GAPVD1: variants seen among roughly 807,000 people sequenced by gnomAD.
The protein encoded by GAPVD1 is GTPase-activating protein and VPS9 domain-containing protein 1.
A neutral mutation model predicts 155.5 loss-of-function variants in GAPVD1; 35 were observed. The observed-to-expected ratio is 0.23, with a 90% CI of 0.17 to 0.30. The LOEUF is 0.30. GAPVD1 is among the 10% of genes least tolerant of loss of function. The pLI is 1.00. For synonymous variants in GAPVD1, 636 were observed against 619.7 expected (o/e 1.03, Z -0.39); for missense variants, 1,429 against 1,775.7 (o/e 0.80, Z 3.51).
chr9:125,311,127 C>T (rs890455579), intron 8 of GAPVD1, among the ~76,000 whole-genome samples: 2 of 152,066 alleles, frequency 1.3e-5, no homozygotes, highest in African/African-American at 2.4e-5. Context: ...AGGTGTGAGC[C>T]ACTACACCCA....
chr9:125,264,537 C>T (rs1262579689), intron 1 of GAPVD1, among the ~76,000 whole-genome samples: 1 of 151,894 alleles, frequency 6.6e-6, no homozygotes, highest in Non-Finnish European at 1.5e-5. Flanking sequence ...ATATTTCATT[C>T]AGGGTAATGG....
intron 2 of GAPVD1, among the ~76,000 whole-genome samples, chr9:125,293,469 G>A (rs1176682924): frequency 7.2e-6 from 1 of 138,234 alleles, no homozygotes; most frequent in African/African-American, 2.7e-5. Context: ...TTTTTTTTTT[G>A]AGATAGAGTT....
intron 8 of GAPVD1, among the ~76,000 whole-genome samples, chr9:125,311,346 G>A (rs1051622469): frequency 1.4e-4 from 22 of 152,124 alleles, no homozygotes; most frequent in Admixed American, 1.2e-3. Context: ...TCTGGGCTGG[G>A]CACGGTGGCT....
chr9:125,328,952 T>C (rs556781), intron 12 of GAPVD1, among the ~76,000 whole-genome samples: 91,630 of 152,002 alleles, frequency 0.6, 29,796 homozygotes, highest in African/African-American at 0.87. Context: ...GCCAACACAG[T>C]GAAACCCCGT....
At chr9:125,345,487 G>A (rs972647178) in intron 19 of GAPVD1, among the ~76,000 whole-genome samples, 2 of 152,112 alleles carry the variant, frequency 1.3e-5, no homozygotes, top group Non-Finnish European at 2.9e-5. Context: ...GCCTAATACA[G>A]TATCTTCAAT....
At chr9:125,296,917 C>T (rs1435742001) in intron 3 of GAPVD1, among the ~76,000 whole-genome samples, 1 of 152,026 alleles carries the variant, frequency 6.6e-6, no homozygotes, top group African/African-American at 2.4e-5. Flanking sequence ...GCCTTGGCCT[C>T]CCAGAGTGCT....
At chr9:125,349,613 G>C in intron 21 of GAPVD1, 94 bp downstream of exon 21, 1 of 1,052,048 alleles carries the variant, frequency 9.5e-7, no homozygotes, top group South Asian at 1.5e-5. Flanking sequence ...GTCAATAAAT[G>C]TATAAAGCAG....
intron 6 of GAPVD1, 97 bp from the exon 7 acceptor site, chr9:125,307,316 G>A (rs1248290085): frequency 2.1e-5 from 16 of 758,870 alleles, no homozygotes; most frequent in Admixed American, 6.5e-5. Context: ...TGATTTTTAA[G>A]ATGTTTAAAT....
At chr9:125,277,686 T>TC (rs2132026698) in intron 2 of GAPVD1, among the ~76,000 whole-genome samples, 1 of 106,290 alleles carries the variant, frequency 9.4e-6, no homozygotes. Flanking sequence ...TGCTTGTCTG[T>TC]TTTTTTTTTT....
At chr9:125,283,705 G>A (rs1837174130) in intron 2 of GAPVD1, among the ~76,000 whole-genome samples, 1 of 151,860 alleles carries the variant, frequency 6.6e-6, no homozygotes. Context: ...CATTAATTTG[G>A]GATACCATTA....
intron 26 of GAPVD1, 126 bp from the exon 27 acceptor site, chr9:125,360,402 G>GAGA: frequency 1.5e-6 from 1 of 663,648 alleles, no homozygotes; most frequent in South Asian, 1.8e-5. Context: ...CCTGCAATAT[G>GAGA]GTTTTACCAA....
chr9:125,289,921 A>C (rs1320601290), intron 2 of GAPVD1, among the ~76,000 whole-genome samples: 2 of 152,306 alleles, frequency 1.3e-5, no homozygotes, highest in South Asian at 4.1e-4. Flanking sequence ...GAACTAACAA[A>C]GGAGATAGAC....
At chr9:125,335,805 A>G (rs892220055) in intron 15 of GAPVD1, among the ~76,000 whole-genome samples, 2 of 152,192 alleles carry the variant, frequency 1.3e-5, no homozygotes, top group South Asian at 2.1e-4. Flanking sequence ...TAGAATATCA[A>G]TAGATATAAC....
At chr9:125,332,368 A>C (rs766411159) in intron 14 of GAPVD1, 142 bp from the exon 15 acceptor site, 1 of 658,022 alleles carries the variant, frequency 1.5e-6, no homozygotes, top group East Asian at 2.6e-5. Context: ...CAGTAGTACC[A>C]TAAAGGATAT....
intron 2 of GAPVD1, among the ~76,000 whole-genome samples, chr9:125,285,948 C>T (rs968861254): frequency 1.3e-5 from 2 of 151,642 alleles, no homozygotes; most frequent in East Asian, 1.9e-4. Context: ...GCTGAGACTA[C>T]AGGCATGCGC....
rs1851426236 is a variant in GAPVD1, at chr9:125,365,529, T to C, written c.*2783T>C. 1 of 152,230 alleles carries C rather than the reference T, an allele frequency of 6.6e-6. No homozygotes were observed. Among genetic ancestry groups the C allele is most frequent in the African/African-American group, 2.4e-5 (1 of 41,468 alleles). 9.4% of individuals were successfully genotyped at this position (152,230 alleles called of 1,614,324 possible). A position where few individuals can be genotyped will look rare whatever the true frequency, so the allele number is the denominator to read the frequency against. ...TTGGCTCAGGTCCCCTGAAATCTTG[T>C]AGGATTAACTTCTCTGAGGAAAAGA... is the stretch of plus-strand genomic sequence containing the variant. On this transcript the variant is annotated 3_prime_UTR_variant, in exon 28 of 28. Coordinates refer to ENST00000297933, the MANE Select transcript of GAPVD1 (RefSeq NM_001282680.3).
At chr9:125,301,834 GC>G (rs1373838200) in intron 4 of GAPVD1, 148 bp from the exon 5 acceptor site, 1 of 572,560 alleles carries the variant, frequency 1.7e-6, no homozygotes, top group Admixed American at 3.6e-5. Context: ...TCATTGAGTT[GC>G]TGTTAGTTTA....
At chr9:125,274,723 A>G (rs926808232) in intron 2 of GAPVD1, among the ~76,000 whole-genome samples, 4 of 152,080 alleles carry the variant, frequency 2.6e-5, no homozygotes, top group Non-Finnish European at 5.9e-5. Flanking sequence ...TGGCCTCCCA[A>G]AGTGCTGGGA....
chr9:125,303,285 C>T (rs1841221308), intron 5 of GAPVD1, among the ~76,000 whole-genome samples: 1 of 151,108 alleles, frequency 6.6e-6, no homozygotes, highest in South Asian at 2.2e-4. Context: ...TCCCAAAGTG[C>T]TGGGATTACA....
Sources: allele counts gnomAD v4.1 joint callset (sites outside exome capture counted in the v4.1 genomes callset), GRCh38; gene constraint gnomAD v4.1.1; transcripts MANE v1.5; gene names NCBI Gene and HGNC (gene_info 2026-07-23, HGNC 2026-07-21).